The following GALNT18 variants were observed in gnomAD, a reference collection of about 807,000 sequenced individuals.
GALNT18 encodes GalNAc-transferase 18.
Under a neutral mutation model 69.5 loss-of-function variants are expected in GALNT18, and 44 were observed. That is an observed-to-expected ratio of 0.63 (90% CI 0.50 to 0.81). The LOEUF (loss-of-function observed/expected upper bound fraction) is 0.81. Among genes scored for constraint, GALNT18 ranks in the 40% least tolerant of loss-of-function variants. The pLI, the probability that GALNT18 is intolerant of heterozygous loss-of-function variation, is 0.00. For missense variants in GALNT18, 715 were observed against 810.0 expected (o/e 0.88, Z 1.42); for synonymous variants, 364 against 318.2 (o/e 1.14, Z -1.53).
chr11:11,524,355 C>T (rs1041927825), intron 1 of GALNT18, among the ~76,000 whole-genome samples: 1 of 152,194 alleles, frequency 6.6e-6, no homozygotes, highest in Admixed American at 6.5e-5. Flanking sequence ...TGCCCTCCTT[C>T]TCTGTGAAAT....
chr11:11,296,089 C>T (rs1271490994), intron 9 of GALNT18, among the ~76,000 whole-genome samples: 1 of 152,152 alleles, frequency 6.6e-6, no homozygotes, highest in Non-Finnish European at 1.5e-5. Flanking sequence ...ACATCACACC[C>T]ATACCTCTAT....
chr11:11,489,804 T>G (rs60946241), intron 1 of GALNT18, among the ~76,000 whole-genome samples: 1,547 of 152,302 alleles, frequency 0.01, 27 homozygotes, highest in African/African-American at 0.033. Context: ...GTATTAATGT[T>G]ATCCTGTTTT....
At chr11:11,417,856 C>G (rs1675158729) in intron 3 of GALNT18, among the ~76,000 whole-genome samples, 1 of 152,210 alleles carries the variant, frequency 6.6e-6, no homozygotes, top group African/African-American at 2.4e-5. Context: ...CCTCAGCGTT[C>G]TCATCTGTGA....
At chr11:11,288,867 G>A (rs1849245162) in intron 10 of GALNT18, among the ~76,000 whole-genome samples, 1 of 152,122 alleles carries the variant, frequency 6.6e-6, no homozygotes, top group South Asian at 2.1e-4. Context: ...CTTGGTAGGA[G>A]AACCTGGGAA....
intron 1 of GALNT18, among the ~76,000 whole-genome samples, chr11:11,483,318 C>T (rs772114273): frequency 3.9e-5 from 6 of 152,176 alleles, no homozygotes; most frequent in Non-Finnish European, 7.4e-5. Context: ...CCTCTGGTCT[C>T]CCATGAGTCT....
intron 1 of GALNT18, among the ~76,000 whole-genome samples, chr11:11,508,352 A>G (rs1365564394): frequency 6.6e-6 from 1 of 152,182 alleles, no homozygotes; most frequent in East Asian, 1.9e-4. Context: ...TTCAGGTCAA[A>G]GATGTTTGGC....
At chr11:11,566,324 T>C (rs1858651839) in intron 1 of GALNT18, among the ~76,000 whole-genome samples, 1 of 152,174 alleles carries the variant, frequency 6.6e-6, no homozygotes, top group Non-Finnish European at 1.5e-5. Flanking sequence ...TGTGCTCCAA[T>C]AAAACTTTAT....
intron 1 of GALNT18, among the ~76,000 whole-genome samples, chr11:11,495,764 A>G (rs1856856251): frequency 1.3e-5 from 2 of 152,174 alleles, no homozygotes; most frequent in Admixed American, 1.3e-4. Context: ...GGCAATCCTC[A>G]TTATAGAAGC....
intron 10 of GALNT18, among the ~76,000 whole-genome samples, chr11:11,284,350 G>A (rs776459353): frequency 6.6e-6 from 1 of 152,166 alleles, no homozygotes; most frequent in Non-Finnish European, 1.5e-5. Flanking sequence ...TTAAACTATA[G>A]ATCACTGCCC....
At chr11:11,278,770 G>A (rs1014011545) in intron 10 of GALNT18, among the ~76,000 whole-genome samples, 3 of 152,124 alleles carry the variant, frequency 2.0e-5, no homozygotes, top group African/African-American at 7.2e-5. Context: ...TCGATAGAAG[G>A]AATAAGCTCT....
intron 1 of GALNT18, among the ~76,000 whole-genome samples, chr11:11,516,959 AGGAGGTGG>A (rs1857290775): frequency 6.6e-6 from 1 of 152,312 alleles, no homozygotes; most frequent in East Asian, 1.9e-4. Context: ...TGGTGGTACT[AGGAGGTGG>A]GGGGTGATTA....
Position 11,552,097 on chromosome 11 carries a change from C to G in GALNT18, c.235+69262G>C, listed in dbSNP as rs552931165. On this transcript the variant is annotated intron_variant, in intron 1 of 10. Transcript: ENST00000227756. ...GGTCATAGAGGATATGATGGCTTAGCTTGGGCTCAGAGGCCTGACAAAATT... is the reference window on the plus strand; with the variant it reads ...GGTCATAGAGGATATGATGGCTTAGGTTGGGCTCAGAGGCCTGACAAAATT... 2.9e-4 allele frequency among the ~76,000 whole-genome samples: 44 copies of G among 152,314 alleles called. No homozygotes were observed. The South Asian group carries it at 5.2e-3, about 18-fold the overall frequency.
intron 1 of GALNT18, chr11:11,475,136 C>A (rs1293143134): frequency 3.3e-5 from 5 of 150,188 alleles, no homozygotes; most frequent in Non-Finnish European, 7.4e-5. Flanking sequence ...AACTTTCTCC[C>A]ATTTCAATTT....
intron 1 of GALNT18, among the ~76,000 whole-genome samples, chr11:11,493,884 T>C (rs1856823255): frequency 1.3e-5 from 2 of 152,112 alleles, no homozygotes; most frequent in African/African-American, 4.8e-5. Context: ...TGTCCCAGCG[T>C]GTGGCAGCAG....
intron 1 of GALNT18, among the ~76,000 whole-genome samples, chr11:11,568,018 G>A (rs80161327): frequency 0.016 from 2,402 of 152,290 alleles, 63 homozygotes; most frequent in African/African-American, 0.046. Flanking sequence ...GCATTGCCAC[G>A]TGACTGATTT....
intron 1 of GALNT18, among the ~76,000 whole-genome samples, chr11:11,530,017 A>C (rs1857608954): frequency 6.6e-6 from 1 of 152,152 alleles, no homozygotes; most frequent in African/African-American, 2.4e-5. Flanking sequence ...TCACAGACAT[A>C]CTGACATCCC....
chr11:11,370,886 G>C (rs921234653), intron 6 of GALNT18, among the ~76,000 whole-genome samples: 1 of 152,184 alleles, frequency 6.6e-6, no homozygotes, highest in Non-Finnish European at 1.5e-5. Context: ...CCTGACAGCA[G>C]CTCCTCGTGA....
In GALNT18 at chr11:11,480,600, G is replaced by C. The variant is rs995374924; in HGVS notation, c.236-31664C>G. Among the ~76,000 whole-genome samples the C allele has an allele frequency of 6.6e-6, 1 of 152,158 alleles. No individual in the cohort carries two copies. Among genetic ancestry groups the C allele is most frequent in the African/African-American group, 2.4e-5 (1 of 41,428 alleles). On this transcript the variant is annotated intron_variant, in intron 1 of 10. Transcript: ENST00000227756. This position sits in a 1 kb window ranked among gnomAD's most constrained non-coding sequence, Gnocchi z 4.6. ...CTGGTCACCACCTGGTCCCAGTACT[G>C]GTTTTGAGATCTGATTCTGTAATGC...
Position 11,605,269 on chromosome 11 carries a change from A to G in GALNT18, c.235+16090T>C, listed in dbSNP as rs1010495700. Among the ~76,000 whole-genome samples the G allele has an allele frequency of 2.0e-5, 3 of 152,140 alleles. No individual in the cohort carries two copies. Among genetic ancestry groups the G allele is most frequent in the Non-Finnish European group, 4.4e-5 (3 of 68,014 alleles). On this transcript the variant is annotated intron_variant, in intron 1 of 10. Transcript: ENST00000227756. This position sits in a 1 kb window ranked among gnomAD's most constrained non-coding sequence, Gnocchi z 4.7. Reference sequence around the variant, plus strand: ...TGGCCAGCAGATAACTTGGAGTTCCAGGCTGCCCACCTTGACACCTGGGCC... The same window carrying G: ...TGGCCAGCAGATAACTTGGAGTTCCGGGCTGCCCACCTTGACACCTGGGCC...
Sources: gnomAD v4.1 joint callset for allele counts (sites outside exome capture counted in the v4.1 genomes callset) on GRCh38, gnomAD v4.1.1 for gene constraint, Gnocchi (gnomAD v3.1) non-coding constraint, MANE v1.5 for transcripts, NCBI Gene and HGNC (gene_info 2026-07-23, HGNC 2026-07-21) for gene names.